Variants in ANXA4 observed in about 807,000 individuals in gnomAD.
ANXA4 encodes 35-beta calcimedin.
ANXA4 carries 39 observed loss-of-function variants against 49.8 expected under a neutral mutation model. The observed-to-expected ratio is 0.78, with a 90% CI of 0.61 to 1.02. The LOEUF is 1.02. Ranked by LOEUF, ANXA4 falls within the 50% of genes least tolerant of loss-of-function variation. ANXA4 has a pLI of 0.00. For synonymous variants in ANXA4, 134 were observed against 152.5 expected (o/e 0.88, Z 0.89); for missense variants, 360 against 410.1 (o/e 0.88, Z 1.05).
At chr2:69,784,294 C>G (rs180864027) in intron 2 of ANXA4, among the ~76,000 whole-genome samples, 1 of 152,290 alleles carries the variant, frequency 6.6e-6, no homozygotes, top group East Asian at 1.9e-4. Context: ...AACTGATAAA[C>G]GGAACCACCC....
chr2:69,801,863 A>G (rs1218487939), intron 3 of ANXA4, among the ~76,000 whole-genome samples: 1 of 152,370 alleles, frequency 6.6e-6, no homozygotes, highest in East Asian at 1.9e-4. Context: ...AATCACAGAC[A>G]TGCGGGAATG....
intron 3 of ANXA4, among the ~76,000 whole-genome samples, chr2:69,792,276 A>C (rs1672725987): frequency 1.3e-5 from 2 of 152,258 alleles, no homozygotes; most frequent in Admixed American, 1.3e-4. Flanking sequence ...AGCAAAAACC[A>C]TTCATTAGCC....
At chr2:69,806,296 G>C (rs139291496) in intron 4 of ANXA4, 89 bp from the exon 5 acceptor site, 1 of 883,094 alleles carries the variant, frequency 1.1e-6, no homozygotes, top group African/African-American at 1.7e-5. Flanking sequence ...AAGGGTCTTG[G>C]AGACCCCAGA....
At chr2:69,677,367 T>C (rs1048119972) in intron 2 of ANXA4, among the ~76,000 whole-genome samples, 1 of 152,016 alleles carries the variant, frequency 6.6e-6, no homozygotes, top group Non-Finnish European at 1.5e-5. Flanking sequence ...GTAGCTGAGA[T>C]GACAGGTGTG....
intron 2 of ANXA4, among the ~76,000 whole-genome samples, chr2:69,715,009 G>C (rs1223478745): frequency 2.0e-5 from 3 of 152,188 alleles, no homozygotes; most frequent in Non-Finnish European, 4.4e-5. Context: ...CAATGGGCCA[G>C]TATCATAAAG....
At chr2:69,801,170 A>G (rs2103790128) in intron 3 of ANXA4, among the ~76,000 whole-genome samples, 1 of 152,280 alleles carries the variant, frequency 6.6e-6, no homozygotes, top group Non-Finnish European at 1.5e-5. Context: ...ACACATGCTA[A>G]CAAAAAAGGG....
At chr2:69,817,367 T>A (rs772954892) in intron 9 of ANXA4, 10 of 152,214 alleles carry the variant, frequency 6.6e-5, no homozygotes, top group Non-Finnish European at 1.3e-4. Flanking sequence ...TTGTTAATAA[T>A]GTTCTATTTT....
At chr2:69,685,880 A>G (rs898284345) in intron 2 of ANXA4, among the ~76,000 whole-genome samples, 2 of 152,090 alleles carry the variant, frequency 1.3e-5, no homozygotes, top group Non-Finnish European at 2.9e-5. Flanking sequence ...GCTCTGACCA[A>G]TCTCTGTAGT....
At chr2:69,686,267 C>T (rs189681122) in intron 2 of ANXA4, among the ~76,000 whole-genome samples, 3 of 152,184 alleles carry the variant, frequency 2.0e-5, no homozygotes, top group Admixed American at 6.5e-5. Context: ...TCACTGCAAC[C>T]TCTGCCTCCT....
intron 2 of ANXA4, among the ~76,000 whole-genome samples, chr2:69,709,487 A>G (rs1678607588): frequency 6.6e-6 from 1 of 152,162 alleles, no homozygotes; most frequent in African/African-American, 2.4e-5. Context: ...GTTTTCCATC[A>G]GCAGAAGCAC....
At chr2:69,760,489 G>A (rs1032065087) in intron 1 of ANXA4, among the ~76,000 whole-genome samples, 1 of 152,110 alleles carries the variant, frequency 6.6e-6, no homozygotes, top group Middle Eastern at 3.2e-3. Context: ...CTTCTTCCCT[G>A]TTTAGAATGC....
intron 2 of ANXA4, among the ~76,000 whole-genome samples, chr2:69,659,723 C>G (rs985255043): frequency 6.6e-6 from 1 of 152,164 alleles, no homozygotes; most frequent in Admixed American, 6.5e-5. Flanking sequence ...GAGCTTGAGA[C>G]CAGTCTGGGC....
intron 12 of ANXA4, among the ~76,000 whole-genome samples, chr2:69,822,415 C>G (rs2103901164): frequency 6.6e-6 from 1 of 152,192 alleles, no homozygotes; most frequent in African/African-American, 2.4e-5. Context: ...CAATTCCACT[C>G]TCAGTTATAT....
chr2:69,649,572 T>G (rs1016212667), intron 1 of ANXA4, among the ~76,000 whole-genome samples: 2 of 150,784 alleles, frequency 1.3e-5, no homozygotes, highest in Admixed American at 1.3e-4. Context: ...TATTCTCTTG[T>G]ATTCTCTTGT....
At chr2:69,667,655 TCTC>T (rs945304574) in intron 2 of ANXA4, among the ~76,000 whole-genome samples, 3 of 152,286 alleles carry the variant, frequency 2.0e-5, no homozygotes, top group Non-Finnish European at 2.9e-5. Flanking sequence ...GTCCTTTTCT[TCTC>T]CTCTCCACAT....
intron 6 of ANXA4, chr2:69,809,266 A>G (rs1423961837): frequency 6.6e-6 from 1 of 152,134 alleles, no homozygotes; most frequent in African/African-American, 2.4e-5. Context: ...ACCTTTATAG[A>G]AAGAAAACAA....
At chr2:69,770,619 G>A (rs996040657) in intron 1 of ANXA4, among the ~76,000 whole-genome samples, 5 of 152,024 alleles carry the variant, frequency 3.3e-5, no homozygotes, top group African/African-American at 4.8e-5. Flanking sequence ...AGTTACCGGG[G>A]TGAATTCACC....
chr2:69,804,509 C>T, intron 3 of ANXA4, 24 bp from the exon 4 acceptor site: 1 of 1,597,786 alleles, frequency 6.3e-7, no homozygotes, highest in Non-Finnish European at 8.6e-7. Context: ...TCACACTTAC[C>T]TGCTGTCTCC....
chr2:69,710,131 G>A (rs950454093), intron 2 of ANXA4, among the ~76,000 whole-genome samples: 3 of 151,950 alleles, frequency 2.0e-5, no homozygotes, highest in African/African-American at 7.2e-5. Context: ...GGGATTACAG[G>A]CATGTGCCAC....
Sources: allele counts gnomAD v4.1 joint callset (sites outside exome capture counted in the v4.1 genomes callset), GRCh38; gene constraint gnomAD v4.1.1; transcripts MANE v1.5; gene names NCBI Gene and HGNC (gene_info 2026-07-23, HGNC 2026-07-21).